The following UHRF2 variants were observed in gnomAD, a reference collection of about 807,000 sequenced individuals.
UHRF2 encodes the protein ubiquitin like with PHD and ring finger domains 2, also known as E3 ubiquitin-protein ligase UHRF2.
Under a neutral mutation model 96.8 loss-of-function variants are expected in UHRF2, and 23 were observed. The observed-to-expected ratio is 0.24, with a 90% CI of 0.17 to 0.34. UHRF2 has a LOEUF of 0.34. Ranked by LOEUF, UHRF2 falls within the 10% of genes least tolerant of loss-of-function variation. The pLI, the probability that UHRF2 is intolerant of heterozygous loss-of-function variation, is 1.00. For synonymous variants in UHRF2, 385 were observed against 332.6 expected (o/e 1.16, Z -1.72); for missense variants, 685 against 981.5 (o/e 0.70, Z 4.04).
At chr9:6,464,570 A>C (rs1246897939) in intron 4 of UHRF2, among the ~76,000 whole-genome samples, 1 of 151,938 alleles carries the variant, frequency 6.6e-6, no homozygotes, top group African/African-American at 2.4e-5. Flanking sequence ...ATTGACTTGG[A>C]GTAGATTTTT....
At position 6,498,299 on chromosome 9, in the gene UHRF2, C is replaced by T. The variant is rs1825081099; in HGVS notation, c.1908+141C>T. On this transcript the variant is annotated intron_variant, in intron 12 of 15. Coordinates refer to ENST00000276893, the MANE Select transcript of UHRF2 (RefSeq NM_152896.3). ...TGAGGAATAAGATCATGCAAATAGA[C>T]AGAGGAAAAGAAGAGAAAAGGTAGT... 7 of 910,698 alleles carry T rather than the reference C, an allele frequency of 7.7e-6. No individual in the cohort carries two copies. In the East Asian group the frequency reaches 1.8e-4, roughly 23 times the overall value. The allele number at this position is 910,698 out of a possible 1,614,324, so 56.4% of individuals were successfully genotyped here. A position where few individuals can be genotyped will look rare whatever the true frequency, so the allele number is the denominator to read the frequency against.
chr9:6,470,765 A>G (rs1477655426), intron 4 of UHRF2, among the ~76,000 whole-genome samples: 1 of 152,214 alleles, frequency 6.6e-6, no homozygotes, highest in Non-Finnish European at 1.5e-5. Flanking sequence ...TGCACAGTCC[A>G]ATCTCTAATG....
At chr9:6,475,945 C>A (rs1040062603) in intron 5 of UHRF2, among the ~76,000 whole-genome samples, 1 of 152,040 alleles carries the variant, frequency 6.6e-6, no homozygotes, top group African/African-American at 2.4e-5. Context: ...TAACTGTAGT[C>A]CCCCATCGTG....
chr9:6,460,194 C>T (rs552694764), intron 3 of UHRF2, among the ~76,000 whole-genome samples: 3 of 152,196 alleles, frequency 2.0e-5, no homozygotes, highest in Non-Finnish European at 2.9e-5. Flanking sequence ...AACAGTAATA[C>T]GTGACTGAAT....
chr9:6,415,050 G>A (rs148362314), intron 1 of UHRF2: 9 of 152,312 alleles, frequency 5.9e-5, no homozygotes, highest in African/African-American at 2.2e-4. Flanking sequence ...ATCGTTTGAT[G>A]CATTTTATTT....
intron 8 of UHRF2, among the ~76,000 whole-genome samples, chr9:6,483,046 G>A (rs1190959088): frequency 1.3e-5 from 2 of 151,950 alleles, no homozygotes; most frequent in Non-Finnish European, 2.9e-5. Flanking sequence ...ACAAGCTCAG[G>A]CTGGTGTGGT....
chr9:6,433,647 T>C (rs1820676447), intron 2 of UHRF2, among the ~76,000 whole-genome samples: 1 of 152,186 alleles, frequency 6.6e-6, no homozygotes. Flanking sequence ...TTTTCAAAAG[T>C]CTAGTGTATA....
At chr9:6,503,675 A>G (rs1215163379) in intron 14 of UHRF2, among the ~76,000 whole-genome samples, 5 of 152,154 alleles carry the variant, frequency 3.3e-5, no homozygotes, top group African/African-American at 1.2e-4. Flanking sequence ...CCTAAAGACA[A>G]ATATTCAAGT....
At chr9:6,458,623 G>A (rs1384232410) in intron 3 of UHRF2, among the ~76,000 whole-genome samples, 1 of 152,064 alleles carries the variant, frequency 6.6e-6, no homozygotes, top group Non-Finnish European at 1.5e-5. Context: ...TACTGTTGGT[G>A]GGAGTGTAAA....
chr9:6,476,556 T>G (rs1192296274), intron 5 of UHRF2, among the ~76,000 whole-genome samples: 1 of 152,122 alleles, frequency 6.6e-6, no homozygotes, highest in Non-Finnish European at 1.5e-5. Context: ...CAGGATTAGA[T>G]TCTAGGTCTT....
chr9:6,455,843 G>C (rs1004904061), intron 3 of UHRF2, among the ~76,000 whole-genome samples: 4 of 152,092 alleles, frequency 2.6e-5, no homozygotes, highest in Non-Finnish European at 5.9e-5. Flanking sequence ...AACTAGCCAG[G>C]CATAGTGGCA....
At chr9:6,489,555 C>G (rs1199709961) in intron 9 of UHRF2, among the ~76,000 whole-genome samples, 1 of 152,180 alleles carries the variant, frequency 6.6e-6, no homozygotes, top group African/African-American at 2.4e-5. Context: ...GATCCAGTTT[C>G]TCTGCATCTC....
At chr9:6,452,944 G>C (rs1337277290) in intron 3 of UHRF2, among the ~76,000 whole-genome samples, 1 of 152,096 alleles carries the variant, frequency 6.6e-6, no homozygotes, top group Non-Finnish European at 1.5e-5. Context: ...CGCATAATAG[G>C]TTCCCGACTT....
chr9:6,489,534 A>G (rs1824526349), intron 9 of UHRF2, among the ~76,000 whole-genome samples: 1 of 152,200 alleles, frequency 6.6e-6, no homozygotes, highest in Non-Finnish European at 1.5e-5. Context: ...TCCTATCGGC[A>G]GTATATGAGT....
Position 6,421,112 on chromosome 9 carries a change from T to C in UHRF2, c.354T>C (p.Arg118=), listed in dbSNP as rs1477736619. 3 of 1,613,966 alleles carry C rather than the reference T, an allele frequency of 1.9e-6. No homozygotes were observed. Among genetic ancestry groups the C allele is most frequent in the Admixed American group, 3.3e-5 (2 of 59,998 alleles). ...SNQPSTSARA[R]LIDPGFGIYK... Reference sequence around the variant, plus strand: ...AGCCATCTACATCAGCTCGTGCCCGTCTTATTGATCCTGGCTTTGGAATAT... The same window carrying C: ...AGCCATCTACATCAGCTCGTGCCCGCCTTATTGATCCTGGCTTTGGAATAT... Residue 118 remains arginine, a synonymous_variant, in exon 2 of 16, where the codon CGT becomes CGC. Transcript: ENST00000276893.
intron 4 of UHRF2, among the ~76,000 whole-genome samples, chr9:6,473,914 A>G (rs1294793406): frequency 6.6e-6 from 1 of 152,246 alleles, no homozygotes; most frequent in Non-Finnish European, 1.5e-5. Context: ...GCAAATATCA[A>G]AAATCAACAC....
At chr9:6,430,229 T>TG (rs1287367536) in intron 2 of UHRF2, among the ~76,000 whole-genome samples, 2 of 152,060 alleles carry the variant, frequency 1.3e-5, no homozygotes, top group Non-Finnish European at 2.9e-5. Flanking sequence ...GGGCTGGTCT[T>TG]GAACTCCTGA....
At chr9:6,419,256 T>C (rs1396948608) in intron 1 of UHRF2, among the ~76,000 whole-genome samples, 1 of 152,330 alleles carries the variant, frequency 6.6e-6, no homozygotes, top group East Asian at 1.9e-4. Flanking sequence ...TAAAAGACTG[T>C]TTCCAAATAA....
chr9:6,498,952 C>G (rs1301453738), intron 12 of UHRF2: 2 of 152,212 alleles, frequency 1.3e-5, no homozygotes, highest in Non-Finnish European at 2.9e-5. Flanking sequence ...TAATGCAAGT[C>G]TGTTTCTGTT....
Sources: gnomAD v4.1 joint callset for allele counts (sites outside exome capture counted in the v4.1 genomes callset) on GRCh38, gnomAD v4.1.1 for gene constraint, MANE v1.5 for transcripts, NCBI Gene and HGNC (gene_info 2026-07-23, HGNC 2026-07-21) for gene names.